The following C3orf52 variants were observed in gnomAD, a reference collection of about 807,000 sequenced individuals.
C3orf52 encodes the protein chromosome 3 open reading frame 52.
C3orf52 carries 22 observed loss-of-function variants against 24.8 expected under a neutral mutation model. The ratio of observed to expected loss-of-function variants is 0.89; its 90% CI spans 0.63 to 1.27. The LOEUF is 1.27. Among genes scored for constraint, C3orf52 ranks in the 50% most tolerant of loss-of-function variants. The pLI is 0.00. For synonymous variants in C3orf52, 93 were observed against 100.2 expected (o/e 0.93, Z 0.43); for missense variants, 265 against 260.7 (o/e 1.02, Z -0.11).
chr3:112,132,546 G>A (rs1234980401), downstream of C3orf52: 5 of 490,598 alleles, frequency 1.0e-5, no homozygotes, highest in African/African-American at 4.2e-5. Flanking sequence ...GGTAGATATT[G>A]TATTATTATT....
intron 3 of C3orf52, among the ~76,000 whole-genome samples, chr3:112,108,477 G>A (rs1467619133): frequency 1.3e-5 from 2 of 152,200 alleles, no homozygotes; most frequent in African/African-American, 4.8e-5. Flanking sequence ...CTTGGCATAT[G>A]CCCATTGGAA....
At chr3:112,136,222 T>G in the C3orf52 span, among the ~76,000 whole-genome samples, 1 of 152,254 alleles carries the variant, frequency 6.6e-6, no homozygotes, top group Admixed American at 6.5e-5. Flanking sequence ...ATACTAGTCA[T>G]TGTTTGTCTT....
chr3:112,116,725 GA>G lies in C3orf52; in HGVS notation c.*83del. The G allele has an allele frequency of 1.3e-6, 2 of 1,561,636 alleles. No homozygotes were observed. The highest frequency in any genetic ancestry group is 8.7e-7 in the Non-Finnish European group (1 of 1,152,032). ...TGAAGGGAATTCACTCTGTTTTGCA[GA>G]AAAGATTCTGTGGATTAATACAGAA... On this transcript the variant is annotated 3_prime_UTR_variant, in exon 6 of 6. Transcript: ENST00000264848.
At chr3:112,095,442 C>T (rs1345504239) in intron 2 of C3orf52, among the ~76,000 whole-genome samples, 1 of 152,128 alleles carries the variant, frequency 6.6e-6, no homozygotes. Context: ...GTTTAATATT[C>T]AGGATTCTAA....
Position 112,086,648 on chromosome 3 carries a change from C to A in C3orf52, c.138+103C>A, listed in dbSNP as rs2073829660. 3.6e-6 allele frequency: 5 copies of A among 1,403,310 alleles called. No homozygotes were observed. In the South Asian group the frequency reaches 4.2e-5, roughly 12 times the overall value. The allele number at this position is 1,403,310 out of a possible 1,614,324, so 86.9% of individuals were successfully genotyped here. ...TCGGGTTTCCAGTCAGGCGGGGCGT[C>A]GACGGCGCCGAGCGAGGGTGGGGCG... On this transcript the variant is annotated intron_variant, in intron 1 of 5. Transcript: ENST00000264848.
chr3:112,090,200 A>G (rs1232810277), intron 1 of C3orf52, among the ~76,000 whole-genome samples: 1 of 151,814 alleles, frequency 6.6e-6, no homozygotes, highest in Non-Finnish European at 1.5e-5. Flanking sequence ...AAAAGATACT[A>G]ATTCCTCAGC....
chr3:112,111,029 T>A (rs1252526478), intron 4 of C3orf52, among the ~76,000 whole-genome samples: 4 of 152,150 alleles, frequency 2.6e-5, no homozygotes, highest in Non-Finnish European at 5.9e-5. Context: ...GCCAACATGG[T>A]GAAACCCCAT....
intron 4 of C3orf52, chr3:112,126,984 T>G (rs549666700): frequency 1.3e-6 from 2 of 1,574,840 alleles, no homozygotes; most frequent in African/African-American, 1.4e-5. Flanking sequence ...ATCAATGACT[T>G]ACTTTCGTTT....
intron 2 of C3orf52, among the ~76,000 whole-genome samples, chr3:112,100,186 A>G (rs1051129385): frequency 6.6e-6 from 1 of 152,050 alleles, no homozygotes; most frequent in Non-Finnish European, 1.5e-5. Flanking sequence ...ATTAACCTCC[A>G]TTAAACACCA....
At chr3:112,100,714 T>C (rs1360164598) in intron 2 of C3orf52, among the ~76,000 whole-genome samples, 6 of 152,210 alleles carry the variant, frequency 3.9e-5, no homozygotes, top group Non-Finnish European at 7.3e-5. Context: ...CATTGAAATA[T>C]TATTTATAGA....
chr3:112,135,753 G>C (rs889247176), downstream of C3orf52, among the ~76,000 whole-genome samples: 1 of 152,002 alleles, frequency 6.6e-6, no homozygotes, highest in East Asian at 1.9e-4. Flanking sequence ...AGGGTTTCAT[G>C]TTTTGTTACC....
chr3:112,109,380 T>G (rs1275373546), intron 3 of C3orf52, among the ~76,000 whole-genome samples, 163 bp from the exon 4 acceptor site: 1 of 152,178 alleles, frequency 6.6e-6, no homozygotes, highest in Non-Finnish European at 1.5e-5. Context: ...ACTTGAGTTT[T>G]GATTTATGGT....
At chr3:112,134,119 G>C (rs889531412), downstream of C3orf52, 4 of 152,214 alleles carry the variant, frequency 2.6e-5, no homozygotes, top group Non-Finnish European at 5.9e-5. Flanking sequence ...CCCGGCCAGA[G>C]ACAGCAGACT....
chr3:112,109,336 T>C (rs1215618748), intron 3 of C3orf52, among the ~76,000 whole-genome samples: 1 of 152,186 alleles, frequency 6.6e-6, no homozygotes, highest in African/African-American at 2.4e-5. Flanking sequence ...AGTCATTTGG[T>C]CCTTATAAAT....
rs765422204 is a variant in C3orf52 at position 112,116,833 on chromosome 3, G to A, written c.*187G>A. The A allele has an allele frequency of 6.5e-6, 10 of 1,537,754 alleles. No homozygotes were observed. The highest frequency in any genetic ancestry group is 5.9e-5 in the South Asian group (5 of 84,062). ...CTCTAAGCCCAGTAAAACAGCTCCCGAGCACTGCTTCAGCTGGGTCCAGTC... is the reference window on the plus strand; with the variant it reads ...CTCTAAGCCCAGTAAAACAGCTCCCAAGCACTGCTTCAGCTGGGTCCAGTC... On this transcript the variant is annotated 3_prime_UTR_variant, in exon 6 of 6. Coordinates refer to ENST00000264848, the MANE Select transcript of C3orf52 (RefSeq NM_024616.3).
At chr3:112,120,194 C>T (rs1257166371), downstream of C3orf52, among the ~76,000 whole-genome samples, 1 of 152,216 alleles carries the variant, frequency 6.6e-6, no homozygotes, top group Non-Finnish European at 1.5e-5. Flanking sequence ...AGCCAAGGTA[C>T]ACTCAGATCA....
chr3:112,130,794 G>A (rs150225571), downstream of C3orf52: 5 of 452,506 alleles, frequency 1.1e-5, no homozygotes, highest in Non-Finnish European at 2.0e-5. Context: ...AGGGATCCTC[G>A]TCATGACCCT....
intron 4 of C3orf52, among the ~76,000 whole-genome samples, chr3:112,124,687 A>C (rs950653615): frequency 1.3e-5 from 2 of 152,144 alleles, no homozygotes. Flanking sequence ...TACCCTCTAG[A>C]GATATTTATG....
rs553279117 is a variant in C3orf52 at position 112,116,993 on chromosome 3, G to A, written c.*347G>A. Reference sequence around the variant, plus strand: ...TTTTGAGACAGGGTCTCGTTCTGTCGCTTAGCTGGAGTGCGGTGGCGTGAT... The same window carrying A: ...TTTTGAGACAGGGTCTCGTTCTGTCACTTAGCTGGAGTGCGGTGGCGTGAT... On this transcript the variant is annotated 3_prime_UTR_variant, in exon 6 of 6. Coordinates refer to ENST00000264848, the MANE Select transcript of C3orf52 (RefSeq NM_024616.3). 7.6e-6 allele frequency: 11 copies of A among 1,443,958 alleles called. No individual in the cohort carries two copies. The highest frequency in any genetic ancestry group is 5.0e-5 in the East Asian group (2 of 40,264). The allele number at this position is 1,443,958 out of a possible 1,614,324, so 89.4% of individuals were successfully genotyped here.
Sources: gnomAD v4.1 joint callset for allele counts (sites outside exome capture counted in the v4.1 genomes callset) on GRCh38, gnomAD v4.1.1 for gene constraint, MANE v1.5 for transcripts, NCBI Gene and HGNC (gene_info 2026-07-23, HGNC 2026-07-21) for gene names.